AGBL4: variants seen among roughly 807,000 people sequenced by gnomAD.
AGBL4 encodes cytosolic carboxypeptidase 6.
A neutral mutation model predicts 66.4 loss-of-function variants in AGBL4; 58 were observed. The ratio of observed to expected loss-of-function variants is 0.87; its 90% CI spans 0.71 to 1.09. The LOEUF is 1.09. Among genes scored for constraint, AGBL4 ranks in the 50% least tolerant of loss-of-function variants. AGBL4 has a pLI of 0.00. For missense variants in AGBL4, 579 were observed against 631.0 expected (o/e 0.92, Z 0.88); for synonymous variants, 234 against 222.9 (o/e 1.05, Z -0.44).
At chr1:48,651,253 T>G (rs1482155753) in intron 8 of AGBL4, among the ~76,000 whole-genome samples, 1 of 152,188 alleles carries the variant, frequency 6.6e-6, no homozygotes, top group Non-Finnish European at 1.5e-5. Context: ...TGGAAATCTT[T>G]TATCACGGAG....
At chr1:49,549,219 G>T (rs1244556006) in intron 3 of AGBL4, among the ~76,000 whole-genome samples, 1 of 147,210 alleles carries the variant, frequency 6.8e-6, no homozygotes, top group African/African-American at 2.5e-5. Flanking sequence ...TATCAATTTT[G>T]TTTATCTTTT....
intron 1 of AGBL4, among the ~76,000 whole-genome samples, chr1:49,897,015 A>G (rs572615851): frequency 6.6e-6 from 1 of 151,994 alleles, no homozygotes; most frequent in Admixed American, 6.6e-5. Context: ...AACTTAATTT[A>G]AAAAAACTGA....
At chr1:49,643,276 G>A (rs1243111688) in intron 3 of AGBL4, among the ~76,000 whole-genome samples, 1 of 151,334 alleles carries the variant, frequency 6.6e-6, no homozygotes, top group African/African-American at 2.4e-5. Context: ...AACACCAAAA[G>A]AAGTTACTCA....
intron 4 of AGBL4, among the ~76,000 whole-genome samples, chr1:49,188,355 TGCA>T (rs1557712001): frequency 4.6e-5 from 7 of 152,240 alleles, no homozygotes; most frequent in South Asian, 4.1e-4. Context: ...GCCAGGCAAT[TGCA>T]CATTTTATTG....
At chr1:49,640,363 G>T (rs1050941874) in intron 3 of AGBL4, among the ~76,000 whole-genome samples, 2 of 152,066 alleles carry the variant, frequency 1.3e-5, no homozygotes, top group African/African-American at 4.8e-5. Flanking sequence ...TCTGTAAAAG[G>T]AACTCAGGGC....
At chr1:49,793,184 C>A (rs1414684273) in intron 2 of AGBL4, among the ~76,000 whole-genome samples, 1 of 151,936 alleles carries the variant, frequency 6.6e-6, no homozygotes, top group Non-Finnish European at 1.5e-5. Flanking sequence ...AGAACTTTGT[C>A]AGTTTTTGGT....
chr1:49,972,649 T>G (rs1327929457), intron 1 of AGBL4, among the ~76,000 whole-genome samples: 1 of 152,212 alleles, frequency 6.6e-6, no homozygotes, highest in African/African-American at 2.4e-5. Context: ...TTAGACATTT[T>G]GAGAAAGAGA....
At chr1:49,376,018 C>T (rs1199426675) in intron 3 of AGBL4, among the ~76,000 whole-genome samples, 2 of 152,124 alleles carry the variant, frequency 1.3e-5, no homozygotes, top group Non-Finnish European at 2.9e-5. Context: ...TTCTTTGATT[C>T]CTTCAGCAAT....
chr1:48,626,152 C>G (rs1645499209), intron 9 of AGBL4, among the ~76,000 whole-genome samples: 1 of 152,186 alleles, frequency 6.6e-6, no homozygotes, highest in South Asian at 2.1e-4. Context: ...TTGAGCAGAC[C>G]TAAGAGTGCA....
At chr1:48,649,885 T>G (rs866543812) in intron 8 of AGBL4, among the ~76,000 whole-genome samples, 42 of 152,352 alleles carry the variant, frequency 2.8e-4, no homozygotes, top group Middle Eastern at 3.4e-3. Context: ...CATAACTCTA[T>G]AGTATCTCCA....
At chr1:49,868,615 A>G (rs898538298) in intron 1 of AGBL4, among the ~76,000 whole-genome samples, 3 of 152,138 alleles carry the variant, frequency 2.0e-5, no homozygotes, top group African/African-American at 7.2e-5. Flanking sequence ...ACTCAAGATA[A>G]AGACTTAAAT....
intron 4 of AGBL4, among the ~76,000 whole-genome samples, chr1:49,096,246 G>A (rs1645099342): frequency 6.6e-6 from 1 of 151,902 alleles, no homozygotes; most frequent in African/African-American, 2.4e-5. Context: ...TGGTGGGACT[G>A]TAAACTAGTT....
chr1:49,943,486 A>T (rs924096260), intron 1 of AGBL4, among the ~76,000 whole-genome samples: 2 of 152,112 alleles, frequency 1.3e-5, no homozygotes, highest in African/African-American at 2.4e-5. Context: ...TAAAAGGGGG[A>T]TCATCCGCCC....
chr1:48,621,066 C>T lies in AGBL4; in HGVS notation c.951+13427G>A, dbSNP rs1052319470. Among the ~76,000 whole-genome samples, 16 of 152,036 alleles carry T rather than the reference C, an allele frequency of 1.1e-4. No individual in the cohort carries two copies. The East Asian group carries it at 1.2e-3, about 11-fold the overall frequency. ...CTGGGAGGCCAAAGACTTAGCTGAC[C>T]GAGAGGGATCAAAGTAGGAAATGTG... On this transcript the variant is annotated intron_variant, in intron 9 of 13. Transcript: ENST00000371839.
Position 48,567,428 on chromosome 1 carries a change from G to A in AGBL4, c.1267+19576C>T, listed in dbSNP as rs191914535. On this transcript the variant is annotated intron_variant, in intron 11 of 13. Coordinates refer to ENST00000371839, the MANE Select transcript of AGBL4 (RefSeq NM_032785.4). ...GCCCAGCACTGCATGAGCCTGGTGA[G>A]GTATGGAGGGACTGAGGAGGGGGCC... Among the ~76,000 whole-genome samples, 14 of 152,286 alleles carry A rather than the reference G, an allele frequency of 9.2e-5. No individual in the cohort carries two copies. The East Asian group carries it at 1.5e-3, about 17-fold the overall frequency.
intron 9 of AGBL4, among the ~76,000 whole-genome samples, chr1:48,631,130 G>C (rs1433258169): frequency 6.6e-6 from 1 of 152,186 alleles, no homozygotes; most frequent in East Asian, 1.9e-4. Flanking sequence ...TGGACAGGAG[G>C]AGTGAGACTG....
chr1:49,124,137 C>A (rs1406934719), intron 4 of AGBL4, among the ~76,000 whole-genome samples: 1 of 152,048 alleles, frequency 6.6e-6, no homozygotes, highest in Non-Finnish European at 1.5e-5. Context: ...GAGTCTACGG[C>A]AAATGAAATA....
intron 4 of AGBL4, among the ~76,000 whole-genome samples, chr1:49,104,582 A>G (rs1184244317): frequency 3.9e-5 from 6 of 152,140 alleles, no homozygotes. Flanking sequence ...TCCCAAGGTT[A>G]CAGAGCTTAA....
At position 49,936,650 on chromosome 1, in the gene AGBL4, T is replaced by C. The variant is rs145094275; in HGVS notation, c.35-85132A>G. Among the ~76,000 whole-genome samples, 559 of 152,228 alleles carry C rather than the reference T, an allele frequency of 3.7e-3. 4 individuals carry two copies. The highest frequency in any genetic ancestry group is 0.015 in the East Asian group (75 of 5,166). On this transcript the variant is annotated intron_variant, in intron 1 of 13. Transcript: ENST00000371839. ...TAACAGCGGATCTCTCGGCAGAAACTCTACAAGCCAGAAGAGAGTGGGAGC... is the reference window on the plus strand; with the variant it reads ...TAACAGCGGATCTCTCGGCAGAAACCCTACAAGCCAGAAGAGAGTGGGAGC...
Sources: allele counts gnomAD v4.1 joint callset (sites outside exome capture counted in the v4.1 genomes callset), GRCh38; gene constraint gnomAD v4.1.1; transcripts MANE v1.5; gene names NCBI Gene and HGNC (gene_info 2026-07-23, HGNC 2026-07-21).